Variants in MGRN1 observed in about 807,000 individuals in gnomAD.
MGRN1 encodes E3 ubiquitin-protein ligase MGRN1.
MGRN1 carries 29 observed loss-of-function variants against 69.2 expected under a neutral mutation model. The ratio of observed to expected loss-of-function variants is 0.42; its 90% CI spans 0.31 to 0.57. MGRN1 has a LOEUF of 0.57. MGRN1 is among the 20% of genes least tolerant of loss of function. The pLI is 0.15. For missense variants in MGRN1, 998 were observed against 796.2 expected (o/e 1.25, Z -3.05); for synonymous variants, 470 against 344.2 (o/e 1.37, Z -4.04).
intron 1 of MGRN1, among the ~76,000 whole-genome samples, chr16:4,629,511 T>C (rs150891326): frequency 0.03 from 4,507 of 152,102 alleles, 219 homozygotes; most frequent in African/African-American, 0.1. Flanking sequence ...GAGGCCAAGG[T>C]GGGCGGATCA....
intron 1 of MGRN1, among the ~76,000 whole-genome samples, chr16:4,626,461 T>C (rs1296900609): frequency 6.6e-6 from 1 of 152,228 alleles, no homozygotes; most frequent in African/African-American, 2.4e-5. Flanking sequence ...CTTAACCCCC[T>C]GGGTCCCAGT....
intron 12 of MGRN1, 175 bp from the exon 13 acceptor site, chr16:4,681,375 C>G: frequency 3.3e-6 from 2 of 611,902 alleles, no homozygotes; most frequent in East Asian, 2.8e-5. Context: ...CGTGCTGGAG[C>G]TGATGGCTGA....
At chr16:4,667,415 G>T (rs958688483) in intron 7 of MGRN1, among the ~76,000 whole-genome samples, 1 of 152,202 alleles carries the variant, frequency 6.6e-6, no homozygotes, top group African/African-American at 2.4e-5. Context: ...TGCCTTTTTA[G>T]TACTGGGCTC....
intron 16 of MGRN1, chr16:4,687,057 G>C: frequency 3.0e-6 from 3 of 985,698 alleles, no homozygotes; most frequent in Non-Finnish European, 3.6e-6. Context: ...CGTGGGCCTG[G>C]CATCACCATG....
chr16:4,688,676 AGGCGGCGGGAG>A, intron 16 of MGRN1, 109 bp from the exon 17 acceptor site: 1 of 1,444,298 alleles, frequency 6.9e-7, no homozygotes, highest in African/African-American at 1.4e-5. Context: ...TTGTGGCCAC[AGGCGGCGGGAG>A]TGGGGGTGCT....
intron 10 of MGRN1, among the ~76,000 whole-genome samples, chr16:4,674,367 C>T (rs2079007156): frequency 6.6e-6 from 1 of 151,918 alleles, no homozygotes; most frequent in Non-Finnish European, 1.5e-5. Context: ...CGGCTCACTG[C>T]AAACTCCGCC....
Position 4,671,573 on chromosome 16 carries a change from C to T in MGRN1, c.795+114C>T, listed in dbSNP as rs1422047241. On this transcript the variant is annotated intron_variant, in intron 9 of 16. Coordinates refer to ENST00000262370, the MANE Select transcript of MGRN1 (RefSeq NM_015246.4). ...ATGCCTTCCCCTGGAGTCCTAGACC[C>T]GCTAGACAACATCATTTTTCCTTAA... 30 of 864,516 alleles carry T rather than the reference C, an allele frequency of 3.5e-5. No homozygotes were observed. The East Asian group carries it at 3.7e-4, about 11-fold the overall frequency. The allele number at this position is 864,516 out of a possible 1,614,324, so 53.6% of individuals were successfully genotyped here.
chr16:4,673,321 C>G (rs1346784603), intron 9 of MGRN1, among the ~76,000 whole-genome samples, 177 bp from the exon 10 acceptor site: 2 of 152,132 alleles, frequency 1.3e-5, no homozygotes, highest in Non-Finnish European at 2.9e-5. Context: ...TGAGTTTGCA[C>G]TGGATTTGAG....
intron 7 of MGRN1, among the ~76,000 whole-genome samples, chr16:4,667,845 C>G (rs1185964523): frequency 1.3e-5 from 2 of 152,176 alleles, no homozygotes; most frequent in Non-Finnish European, 1.5e-5. Flanking sequence ...GTCTTTCTAA[C>G]TCAGCCGGGC....
chr16:4,667,252 G>A (rs879767619), intron 7 of MGRN1, among the ~76,000 whole-genome samples: 7 of 152,228 alleles, frequency 4.6e-5, no homozygotes, highest in Non-Finnish European at 8.8e-5. Context: ...TGTGATCTGG[G>A]TCTTTCTAGA....
At chr16:4,677,934 G>A (rs1009107617) in intron 11 of MGRN1, among the ~76,000 whole-genome samples, 28 of 150,232 alleles carry the variant, frequency 1.9e-4, no homozygotes, top group African/African-American at 6.1e-4. Context: ...CTGCAGCCTC[G>A]ACCTCCCGCC....
At chr16:4,631,707 G>A (rs1484995686) in intron 1 of MGRN1, among the ~76,000 whole-genome samples, 1 of 152,124 alleles carries the variant, frequency 6.6e-6, no homozygotes. Context: ...TTTTGGTTAT[G>A]CTAAGTTCTT....
rs1429956872 is a variant in MGRN1, at chr16:4,690,628, AC to A, written c.*1721del. ...TTCACACATGCACACTCACGCTCAC[AC>A]ATGCTGTCACGCATACACACACGCA... On this transcript the variant is annotated 3_prime_UTR_variant, in exon 17 of 17. Coordinates refer to ENST00000262370, the MANE Select transcript of MGRN1 (RefSeq NM_015246.4). 1.3e-5 allele frequency: 2 copies of A among 152,266 alleles called. No individual in the cohort carries two copies. The highest frequency in any genetic ancestry group is 2.9e-5 in the Non-Finnish European group (2 of 68,102). The allele number at this position is 152,266 out of a possible 1,614,324, so 9.4% of individuals were successfully genotyped here. A position where few individuals can be genotyped will look rare whatever the true frequency, so the allele number is the denominator to read the frequency against.
At chr16:4,628,851 GT>G (rs560988376) in intron 1 of MGRN1, among the ~76,000 whole-genome samples, 5 of 150,078 alleles carry the variant, frequency 3.3e-5, no homozygotes, top group African/African-American at 4.9e-5. Context: ...AGCCTTTTCT[GT>G]TTTTTTTTGA....
At chr16:4,678,241 C>T (rs941171387) in intron 11 of MGRN1, among the ~76,000 whole-genome samples, 3 of 152,244 alleles carry the variant, frequency 2.0e-5, no homozygotes, top group African/African-American at 7.2e-5. Flanking sequence ...GCCCACCAGG[C>T]GCCCTCAGTG....
chr16:4,661,024 C>G lies in MGRN1; in HGVS notation c.561+3661C>G, dbSNP rs138572913. Among the ~76,000 whole-genome samples, 727 of 152,294 alleles carry G rather than the reference C, an allele frequency of 4.8e-3. 6 individuals carry two copies. The highest frequency in any genetic ancestry group is 0.017 in the African/African-American group (693 of 41,554). On this transcript the variant is annotated intron_variant, in intron 5 of 16. Coordinates refer to ENST00000262370, the MANE Select transcript of MGRN1 (RefSeq NM_015246.4). ...TGAGACAGGGGCTCACTCTGTCTCC[C>G]AGGCTGGAGTGCAGTGGCACAATCA...
intron 1 of MGRN1, among the ~76,000 whole-genome samples, chr16:4,646,648 C>A (rs1452146879): frequency 6.6e-6 from 1 of 152,192 alleles, no homozygotes; most frequent in Admixed American, 6.5e-5. Flanking sequence ...TTCATGCAGT[C>A]TCTGTGGTCA....
intron 10 of MGRN1, chr16:4,676,800 C>G (rs2079063168): frequency 6.6e-6 from 1 of 152,404 alleles, no homozygotes; most frequent in Non-Finnish European, 1.5e-5. Flanking sequence ...CCTGGTTTAT[C>G]TTCTCTGCTC....
chr16:4,660,989 C>T (rs999486633), intron 5 of MGRN1, among the ~76,000 whole-genome samples: 15 of 152,106 alleles, frequency 9.9e-5, no homozygotes, highest in Admixed American at 1.3e-4. Flanking sequence ...TTTATTTTTC[C>T]CCCTTTTTTT....
Sources: allele counts gnomAD v4.1 joint callset (sites outside exome capture counted in the v4.1 genomes callset), GRCh38; gene constraint gnomAD v4.1.1; transcripts MANE v1.5; gene names NCBI Gene and HGNC (gene_info 2026-07-23, HGNC 2026-07-21).